KAZN: variants seen among roughly 807,000 people sequenced by gnomAD.
The protein encoded by KAZN is kazrin.
Under a neutral mutation model 87.4 loss-of-function variants are expected in KAZN, and 40 were observed. That is an observed-to-expected ratio of 0.46 (90% CI 0.36 to 0.60). The LOEUF (loss-of-function observed/expected upper bound fraction) is 0.60. KAZN is among the 20% of genes least tolerant of loss of function. The pLI is 0.00. For synonymous variants in KAZN, 466 were observed against 458.3 expected, an observed-to-expected ratio of 1.02 and a Z score of -0.22; for missense variants, 898 against 1,073.9, an observed-to-expected ratio of 0.84 and a Z score of 2.29.
chr1:15,088,927 A>G (rs1640399975), intron 8 of KAZN, among the ~76,000 whole-genome samples: 1 of 151,972 alleles, frequency 6.6e-6, no homozygotes, highest in Non-Finnish European at 1.5e-5. Context: ...AGCTCCCCTC[A>G]CAGCCCTGAG....
chr1:14,267,549 G>T (rs960811687), intron 2 of KAZN, among the ~76,000 whole-genome samples: 9 of 152,108 alleles, frequency 5.9e-5, no homozygotes, highest in Non-Finnish European at 8.8e-5. Flanking sequence ...TTTTATAAAA[G>T]AATTGAGCAT....
intron 1 of KAZN, among the ~76,000 whole-genome samples, chr1:14,067,695 G>A (rs760614215): frequency 8.5e-5 from 13 of 152,162 alleles, no homozygotes; most frequent in Non-Finnish European, 1.5e-4. Flanking sequence ...TTGATTGACA[G>A]AATCCAATTC....
At chr1:14,869,326 C>A (rs563340385) in intron 1 of KAZN, among the ~76,000 whole-genome samples, 9 of 152,134 alleles carry the variant, frequency 5.9e-5, no homozygotes, top group African/African-American at 1.9e-4. Context: ...TGTGTGAGCA[C>A]AATTCAGGGG....
intron 1 of KAZN, among the ~76,000 whole-genome samples, chr1:14,692,799 GGCACAT>G (rs1365323927): frequency 1.3e-5 from 2 of 152,320 alleles, no homozygotes; most frequent in South Asian, 2.1e-4. Context: ...CAGGCGTAGT[GGCACAT>G]GCCTGTAAAC....
chr1:14,180,333 C>A (rs982702620), intron 1 of KAZN: 6 of 995,030 alleles, frequency 6.0e-6, no homozygotes, highest in Non-Finnish European at 8.9e-6. Context: ...CTGGCTTAGA[C>A]CTTGTATGTA....
chr1:14,488,260 G>A (rs1264910233), intron 2 of KAZN, among the ~76,000 whole-genome samples: 1 of 152,142 alleles, frequency 6.6e-6, no homozygotes, highest in African/African-American at 2.4e-5. Context: ...TCACTTGCTT[G>A]GAGGAGAGGC....
intron 2 of KAZN, among the ~76,000 whole-genome samples, chr1:14,382,828 A>C (rs895384579): frequency 1.3e-5 from 2 of 151,812 alleles, no homozygotes; most frequent in African/African-American, 4.8e-5. Flanking sequence ...CTTTGGGTAT[A>C]TACCCAGTAA....
intron 2 of KAZN, among the ~76,000 whole-genome samples, chr1:14,450,359 C>T (rs894706804): frequency 6.6e-5 from 10 of 152,070 alleles, no homozygotes; most frequent in Non-Finnish European, 1.0e-4. Flanking sequence ...GAGGCCGAAG[C>T]GGGTAGATCA....
At chr1:14,518,475 C>T (rs567020294) in intron 2 of KAZN, among the ~76,000 whole-genome samples, 3 of 152,104 alleles carry the variant, frequency 2.0e-5, no homozygotes, top group African/African-American at 7.2e-5. Context: ...CTGCACCCAG[C>T]CTGTTTGAAA....
At chr1:15,017,289 T>G (rs1016816196) in intron 2 of KAZN, among the ~76,000 whole-genome samples, 1 of 151,806 alleles carries the variant, frequency 6.6e-6, no homozygotes, top group African/African-American at 2.4e-5. Context: ...CAGAGCGAGA[T>G]TCAGTCTCAA....
In KAZN at chr1:15,060,271, C is replaced by G. The variant is rs1428866793; in HGVS notation, c.1016C>G (p.Ser339Cys). Reference protein sequence around the residue: ...DRSSTPSDINSPRHRTHSLCN... With the variant: ...DRSSTPSDINCPRHRTHSLCN... Reference sequence around the variant, plus strand: ...TCGTCCACACCGAGCGACATCAACTCCCCTCGACACCGGACACACTCCCTC... The same window carrying G: ...TCGTCCACACCGAGCGACATCAACTGCCCTCGACACCGGACACACTCCCTC... Residue 339 changes from serine to cysteine, a missense_variant, in exon 6 of 15, where the codon TCC (serine) becomes TGC (cysteine). Physicochemically the swap from Ser to Cys is moderately radical, Grantham distance 112 (BLOSUM62 -1). Transcript: ENST00000376030. 6.2e-7 allele frequency: 1 copy of G among 1,614,224 alleles called. No individual in the cohort carries two copies. The highest frequency in any genetic ancestry group is 1.7e-5 in the Admixed American group (1 of 60,036).
chr1:14,003,809 G>A (rs756629333), intron 1 of KAZN, among the ~76,000 whole-genome samples: 26 of 152,258 alleles, frequency 1.7e-4, no homozygotes, highest in Non-Finnish European at 2.2e-4. Flanking sequence ...TGATTTTGAG[G>A]CAGTCAACAT....
chr1:14,437,608 A>G (rs1162078484), intron 2 of KAZN, among the ~76,000 whole-genome samples: 1 of 152,188 alleles, frequency 6.6e-6, no homozygotes, highest in Non-Finnish European at 1.5e-5. Flanking sequence ...AGCATTGTCA[A>G]ACATCCTCCC....
intron 1 of KAZN, among the ~76,000 whole-genome samples, chr1:14,792,078 C>T (rs1645691814): frequency 6.6e-6 from 1 of 152,206 alleles, no homozygotes; most frequent in Admixed American, 6.5e-5. Flanking sequence ...AAGCACAGGG[C>T]TGCCTGCTGA....
At chr1:14,038,810 C>G (rs573908571) in intron 1 of KAZN, among the ~76,000 whole-genome samples, 2 of 152,118 alleles carry the variant, frequency 1.3e-5, no homozygotes, top group South Asian at 4.2e-4. Context: ...GGTGTGAATC[C>G]GTTTTTCCAA....
chr1:15,090,200 C>G lies in KAZN; in HGVS notation c.1223-3980C>G, dbSNP rs1002663948. Among the ~76,000 whole-genome samples the G allele has an allele frequency of 2.4e-4, 36 of 152,368 alleles. 1 individual carries two copies. Among genetic ancestry groups the G allele is most frequent in the African/African-American group, 8.4e-4 (35 of 41,588 alleles). On this transcript the variant is annotated intron_variant, in intron 8 of 14. Transcript: ENST00000376030. Reference sequence around the variant, plus strand: ...GCTGAGGTCTGTTCAACTCCAAAGCCTGGTCCAAATGGATGACAGGGGCCG... The same window carrying G: ...GCTGAGGTCTGTTCAACTCCAAAGCGTGGTCCAAATGGATGACAGGGGCCG...
chr1:13,905,215 A>G (rs1570238138), intron 1 of KAZN, among the ~76,000 whole-genome samples: 1 of 152,206 alleles, frequency 6.6e-6, no homozygotes, highest in Non-Finnish European at 1.5e-5. Flanking sequence ...TTATAATCCA[A>G]TTCTGGCACT....
chr1:15,040,156 T>C (rs4661313), intron 3 of KAZN, among the ~76,000 whole-genome samples: 22,345 of 152,186 alleles, frequency 0.15, 1,842 homozygotes, highest in Admixed American at 0.21. Context: ...TAGAGCCAGT[T>C]TGGCAAAACT....
chr1:15,110,497 G>C (rs1171042596), intron 13 of KAZN, among the ~76,000 whole-genome samples: 1 of 19,806 alleles, frequency 5.0e-5, no homozygotes, highest in East Asian at 5.7e-3. Context: ...GTGTATGTAT[G>C]TGTGTGTATT....
Sources: gnomAD v4.1 joint callset for allele counts (sites outside exome capture counted in the v4.1 genomes callset) on GRCh38, gnomAD v4.1.1 for gene constraint, MANE v1.5 for transcripts, NCBI Gene and HGNC (gene_info 2026-07-23, HGNC 2026-07-21) for gene names.